PDE10A: variants seen among roughly 807,000 people sequenced by gnomAD.
The protein encoded by PDE10A is cAMP and cAMP-inhibited cGMP 3',5'-cyclic phosphodiesterase 10A.
In PDE10A, 39 loss-of-function variants were observed where a neutral mutation model predicts 97.7. The observed-to-expected ratio is 0.40, with a 90% CI of 0.31 to 0.52. The LOEUF (loss-of-function observed/expected upper bound fraction) is 0.52, where lower values mean the gene tolerates loss of function less well. PDE10A is among the 20% of genes least tolerant of loss of function. The probability of loss-of-function intolerance (pLI) is 0.56; values close to 1 mark genes in which losing one functional copy is unlikely to be tolerated. For synonymous variants in PDE10A, 371 were observed against 376.8 expected (o/e 0.98, Z 0.18); for missense variants, 731 against 1,047.8 (o/e 0.70, Z 4.17).
chr6:165,968,438 A>G (rs1487845876), intron 1 of PDE10A, among the ~76,000 whole-genome samples: 1 of 152,176 alleles, frequency 6.6e-6, no homozygotes, highest in East Asian at 1.9e-4. Context: ...CACTATCACA[A>G]TGGGGGTCTC....
intron 1 of PDE10A, among the ~76,000 whole-genome samples, chr6:165,799,680 TACTTAA>T (rs1440902968): frequency 2.6e-5 from 4 of 152,208 alleles, no homozygotes; most frequent in African/African-American, 9.7e-5. Flanking sequence ...AGACACTGTC[TACTTAA>T]ACTTTAACCG....
intron 5 of PDE10A, among the ~76,000 whole-genome samples, chr6:165,444,713 G>GA (rs1231549040): frequency 2.0e-5 from 3 of 151,500 alleles, no homozygotes; most frequent in Non-Finnish European, 4.4e-5. Context: ...TGTTCTATGT[G>GA]AAAAAAACAC....
intron 1 of PDE10A, among the ~76,000 whole-genome samples, chr6:165,570,412 G>C (rs1414809697): frequency 6.6e-6 from 1 of 152,134 alleles, no homozygotes; most frequent in Non-Finnish European, 1.5e-5. Flanking sequence ...GACAGTCCTT[G>C]AGTAAGAATT....
intron 2 of PDE10A, among the ~76,000 whole-genome samples, chr6:165,536,779 T>C (rs376354907): frequency 6.6e-6 from 1 of 152,014 alleles, no homozygotes; most frequent in East Asian, 1.9e-4. Flanking sequence ...TTAAAATGAC[T>C]GTTGTCAAAA....
chr6:165,577,096 T>C (rs1319014343), intron 1 of PDE10A, among the ~76,000 whole-genome samples: 1 of 152,244 alleles, frequency 6.6e-6, no homozygotes, highest in Admixed American at 6.5e-5. Flanking sequence ...TGTGAGTAAC[T>C]GAATCCATCA....
intron 5 of PDE10A, among the ~76,000 whole-genome samples, chr6:165,438,020 T>C (rs1402119499): frequency 6.6e-6 from 1 of 152,084 alleles, no homozygotes; most frequent in Non-Finnish European, 1.5e-5. Flanking sequence ...AAAATAGAGG[T>C]TGAAGTTTAC....
At chr6:165,358,234 ATC>A (rs1271570596) in intron 18 of PDE10A, among the ~76,000 whole-genome samples, 1 of 152,010 alleles carries the variant, frequency 6.6e-6, no homozygotes, top group East Asian at 1.9e-4. Flanking sequence ...TGTCGTTTAG[ATC>A]TCTGTTAGCC....
intron 18 of PDE10A, among the ~76,000 whole-genome samples, chr6:165,362,673 C>T (rs983056458): frequency 6.6e-6 from 1 of 152,046 alleles, no homozygotes; most frequent in African/African-American, 2.4e-5. Flanking sequence ...ATAAACTCTT[C>T]CAAAAAAACA....
intron 17 of PDE10A, among the ~76,000 whole-genome samples, chr6:165,386,441 T>G (rs901574603): frequency 4.6e-5 from 7 of 152,240 alleles, no homozygotes; most frequent in Non-Finnish European, 8.8e-5. Context: ...AGCAATGTTG[T>G]ACTGTCAAAT....
intron 1 of PDE10A, among the ~76,000 whole-genome samples, chr6:165,708,904 C>A (rs563032343): frequency 2.7e-4 from 4 of 14,638 alleles, no homozygotes; most frequent in African/African-American, 2.1e-3. Context: ...GCCACGCTCA[C>A]CCCCCACTCT....
At chr6:165,516,442 C>T (rs1228848699) in intron 2 of PDE10A, among the ~76,000 whole-genome samples, 8 of 152,082 alleles carry the variant, frequency 5.3e-5, no homozygotes, top group Admixed American at 4.6e-4. Flanking sequence ...ACGCGCACAT[C>T]AAAAAGAGGC....
At chr6:165,750,471 G>A (rs780508518) in intron 1 of PDE10A, among the ~76,000 whole-genome samples, 1 of 152,118 alleles carries the variant, frequency 6.6e-6, no homozygotes, top group Non-Finnish European at 1.5e-5. Flanking sequence ...AGCACCCCCA[G>A]GATCTCCCAC....
chr6:165,445,892 TAGAGAGAG>T (rs145999232), intron 5 of PDE10A, among the ~76,000 whole-genome samples: 14 of 144,900 alleles, frequency 9.7e-5, no homozygotes, highest in South Asian at 2.3e-4. Flanking sequence ...AATTCACAGT[TAGAGAGAG>T]AGAGAGAGAG....
intron 1 of PDE10A, among the ~76,000 whole-genome samples, chr6:165,980,283 C>T (rs1469711345): frequency 2.6e-5 from 4 of 152,152 alleles, no homozygotes; most frequent in Non-Finnish European, 4.4e-5. Flanking sequence ...AAATGGCCTT[C>T]GGTAGAGTTC....
intron 3 of PDE10A, among the ~76,000 whole-genome samples, chr6:165,478,675 T>G (rs1402903982): frequency 5.3e-5 from 8 of 152,330 alleles, no homozygotes; most frequent in Admixed American, 5.2e-4. Flanking sequence ...CTACATTCTG[T>G]AGAGAAACCC....
chr6:165,629,503 T>C (rs1005473031), intron 1 of PDE10A, among the ~76,000 whole-genome samples: 1 of 150,654 alleles, frequency 6.6e-6, no homozygotes, highest in Non-Finnish European at 1.5e-5. Context: ...AAGTAGAGAA[T>C]GAAGGAATAT....
At chr6:165,401,875 C>G (rs947189118) in intron 13 of PDE10A, among the ~76,000 whole-genome samples, 1 of 152,180 alleles carries the variant, frequency 6.6e-6, no homozygotes, top group African/African-American at 2.4e-5. Context: ...ACATTGTCCT[C>G]ATATACCTTA....
chr6:165,954,470 TC>T (rs1464206891), intron 1 of PDE10A, among the ~76,000 whole-genome samples: 3 of 152,172 alleles, frequency 2.0e-5, no homozygotes, highest in African/African-American at 7.2e-5. Flanking sequence ...TAAGAAGCCC[TC>T]AGCTTCCTAA....
chr6:165,472,211 G>C (rs1199120861), intron 3 of PDE10A, among the ~76,000 whole-genome samples: 1 of 151,856 alleles, frequency 6.6e-6, no homozygotes, highest in Non-Finnish European at 1.5e-5. Context: ...CTTCAATTTT[G>C]ATAATTTGTA....
Sources: allele counts gnomAD v4.1 joint callset (sites outside exome capture counted in the v4.1 genomes callset), GRCh38; gene constraint gnomAD v4.1.1; transcripts MANE v1.5; gene names NCBI Gene and HGNC (gene_info 2026-07-23, HGNC 2026-07-21).